Variants in DMXL2 observed in about 807,000 individuals in gnomAD.
The protein encoded by DMXL2 is Dmx like 2.
In DMXL2, 103 loss-of-function variants were observed where a neutral mutation model predicts 331.1. The ratio of observed to expected loss-of-function variants is 0.31; its 90% CI spans 0.27 to 0.37. The LOEUF (loss-of-function observed/expected upper bound fraction) is 0.37. Ranked by LOEUF, DMXL2 falls within the 10% of genes least tolerant of loss-of-function variation. DMXL2 has a pLI of 1.00. For synonymous variants in DMXL2, 1,281 were observed against 1,252.1 expected (o/e 1.02, Z -0.49); for missense variants, 3,171 against 3,642.9 (o/e 0.87, Z 3.33).
chr15:51,459,905 AAATT>A (rs1405890717), intron 33 of DMXL2: 16 of 1,126,124 alleles, frequency 1.4e-5, no homozygotes, highest in Non-Finnish European at 1.7e-5. Context: ...TTCAAAATAA[AAATT>A]AGTTATCTGT....
chr15:51,572,333 C>T (rs1208225642), intron 2 of DMXL2, among the ~76,000 whole-genome samples: 2 of 149,774 alleles, frequency 1.3e-5, no homozygotes, highest in Admixed American at 6.7e-5. Context: ...CAGATGGATT[C>T]ACAGCTGAAT....
chr15:51,458,909 C>G (rs1392397287), intron 34 of DMXL2, 114 bp from the exon 35 acceptor site: 4 of 863,586 alleles, frequency 4.6e-6, no homozygotes, highest in Admixed American at 5.0e-5. Context: ...GCAGCAGCAG[C>G]AGCAGCAGCA....
At chr15:51,585,387 C>T (rs1168430157) in intron 1 of DMXL2, among the ~76,000 whole-genome samples, 1 of 151,786 alleles carries the variant, frequency 6.6e-6, no homozygotes, top group Non-Finnish European at 1.5e-5. Flanking sequence ...TTGAGATAAT[C>T]ATGTGGTTTT....
intron 19 of DMXL2, among the ~76,000 whole-genome samples, chr15:51,494,532 G>A (rs1333621996): frequency 6.6e-6 from 1 of 152,086 alleles, no homozygotes; most frequent in Non-Finnish European, 1.5e-5. Flanking sequence ...AAATCCTTAT[G>A]TCTCAAATCA....
chr15:51,587,514 C>T (rs1303217331), intron 1 of DMXL2, among the ~76,000 whole-genome samples: 3 of 152,204 alleles, frequency 2.0e-5, no homozygotes, highest in Admixed American at 6.5e-5. Flanking sequence ...TTTTTTATGG[C>T]TGCATAGCAT....
intron 17 of DMXL2, among the ~76,000 whole-genome samples, chr15:51,502,006 G>A (rs1364044935): frequency 6.6e-6 from 1 of 151,266 alleles, no homozygotes; most frequent in Non-Finnish European, 1.5e-5. Context: ...TGAGGTGGGT[G>A]GATCACGAGG....
intron 1 of DMXL2, among the ~76,000 whole-genome samples, chr15:51,599,846 C>T (rs1204261382): frequency 1.3e-5 from 2 of 152,050 alleles, no homozygotes; most frequent in Non-Finnish European, 2.9e-5. Flanking sequence ...ATTACAGGCA[C>T]GTGCCAACAT....
At chr15:51,544,556 C>G (rs1486120214) in intron 8 of DMXL2, among the ~76,000 whole-genome samples, 1 of 152,082 alleles carries the variant, frequency 6.6e-6, no homozygotes, top group East Asian at 1.9e-4. Flanking sequence ...CCTGAGGAGG[C>G]CTACTTCACA....
chr15:51,613,776 A>G (rs1164060308), intron 1 of DMXL2, among the ~76,000 whole-genome samples: 1 of 152,188 alleles, frequency 6.6e-6, no homozygotes, highest in African/African-American at 2.4e-5. Context: ...TATCACAGTC[A>G]TGTTTGAATT....
At position 51,474,006 on chromosome 15, in the gene DMXL2, C is replaced by CTT. The variant is rs531233667; in HGVS notation, c.7213+336_7213+337dup. On this transcript the variant is annotated intron_variant, in intron 28 of 43. Transcript: ENST00000560891. ...TTAAGAACTATCCGTTTTGTTTTTG[C>CTT]TTTTTTTTTTTCATTTTATTGTCTT... Among the ~76,000 whole-genome samples, 842 of 142,322 alleles carry CTT rather than the reference C, an allele frequency of 5.9e-3. 13 individuals carry two copies. The highest frequency in any genetic ancestry group is 0.02 in the African/African-American group (803 of 39,402). 93.4% of individuals were successfully genotyped at this position (142,322 alleles called of 152,430 possible).
intron 33 of DMXL2, among the ~76,000 whole-genome samples, chr15:51,461,413 A>T (rs539015383): frequency 6.7e-4 from 102 of 152,356 alleles, no homozygotes; most frequent in African/African-American, 2.2e-3. Context: ...CAACCAGTCA[A>T]GCTGCTATCA....
At chr15:51,574,413 G>C (rs1595577891) in intron 2 of DMXL2, among the ~76,000 whole-genome samples, 1 of 145,904 alleles carries the variant, frequency 6.9e-6, no homozygotes, top group South Asian at 2.2e-4. Context: ...AACTCAATTA[G>C]GTATATATTC....
rs1258401419 is a variant in DMXL2 at position 51,495,257 on chromosome 15, T to C, written c.4673-123A>G. 7.1e-6 allele frequency: 4 copies of C among 566,878 alleles called. No individual in the cohort carries two copies. The East Asian group carries it at 1.2e-4, about 17-fold the overall frequency. 35.1% of individuals were successfully genotyped at this position (566,878 alleles called of 1,614,324 possible). On this transcript the variant is annotated intron_variant, in intron 18 of 43. Transcript: ENST00000560891. Reference sequence around the variant, plus strand: ...TATAAAATACATAAGTTTTAGTGTATTCCTTCCTGAACACTTTAACGTCTT... The same window carrying C: ...TATAAAATACATAAGTTTTAGTGTACTCCTTCCTGAACACTTTAACGTCTT...
intron 13 of DMXL2, among the ~76,000 whole-genome samples, chr15:51,525,449 G>C (rs558292965): frequency 6.6e-6 from 1 of 152,148 alleles, no homozygotes; most frequent in Non-Finnish European, 1.5e-5. Flanking sequence ...TTGCATCTTA[G>C]GTACCAGCTT....
Position 51,536,539 on chromosome 15 carries a change from G to A in DMXL2, c.1941C>T (p.Cys647=), listed in dbSNP as rs540095643. 4.3e-6 allele frequency: 7 copies of A among 1,613,748 alleles called. No homozygotes were observed. Among genetic ancestry groups the A allele is most frequent in the Admixed American group, 3.3e-5 (2 of 59,952 alleles). Residue 647 remains cysteine, a synonymous_variant, in exon 12 of 44, where the codon TGC becomes TGT. Transcript: ENST00000560891. The stretch of plus-strand genomic sequence containing the variant: ...GGTCATTGAGGTGAAATCGATGACC[G>A]CAATATCTAAATTTGTGAGATACAG... ...VLTVSHKFRY[C]GHRFHLNDLA...
chr15:51,559,017 CAA>C (rs2049784947), intron 6 of DMXL2, among the ~76,000 whole-genome samples: 1 of 151,852 alleles, frequency 6.6e-6, no homozygotes, highest in Non-Finnish European at 1.5e-5. Context: ...ACTAGATTTG[CAA>C]AGGAATACAC....
intron 20 of DMXL2, among the ~76,000 whole-genome samples, chr15:51,491,355 C>T (rs1234573336): frequency 1.3e-5 from 2 of 152,038 alleles, no homozygotes; most frequent in African/African-American, 2.4e-5. Flanking sequence ...GCAGGAAAAT[C>T]GCTTGAACCC....
chr15:51,452,508 A>T (rs2039238169), intron 41 of DMXL2, among the ~76,000 whole-genome samples: 1 of 152,160 alleles, frequency 6.6e-6, no homozygotes, highest in Non-Finnish European at 1.5e-5. Context: ...AAAACCACTA[A>T]TTACCAGGAA....
chr15:51,616,935 T>TAA (rs34051640), intron 1 of DMXL2, among the ~76,000 whole-genome samples: 1,692 of 81,210 alleles, frequency 0.021, 47 homozygotes, highest in East Asian at 0.074. Context: ...AGACTCCATC[T>TAA]AAAAAAAAAA....
Sources: gnomAD v4.1 joint callset for allele counts (sites outside exome capture counted in the v4.1 genomes callset) on GRCh38, gnomAD v4.1.1 for gene constraint, MANE v1.5 for transcripts, NCBI Gene and HGNC (gene_info 2026-07-23, HGNC 2026-07-21) for gene names.